The following EVC2 variants were observed in gnomAD, a reference collection of about 807,000 sequenced individuals.
The protein encoded by EVC2 is limbin.
EVC2 carries 148 observed loss-of-function variants against 149.3 expected under a neutral mutation model. The observed-to-expected ratio is 0.99, with a 90% CI of 0.87 to 1.14. EVC2 has a LOEUF of 1.14. EVC2 is among the 50% of genes most tolerant of loss of function. The pLI, the probability that EVC2 is intolerant of heterozygous loss-of-function variation, is 0.00. For missense variants in EVC2, 1,854 were observed against 1,627.3 expected (o/e 1.14, Z -2.40); for synonymous variants, 776 against 649.9 (o/e 1.19, Z -2.95).
intron 21 of EVC2, among the ~76,000 whole-genome samples, chr4:5,549,136 A>T (rs563495921): frequency 6.6e-6 from 1 of 152,326 alleles, no homozygotes; most frequent in East Asian, 1.9e-4. Flanking sequence ...ACTGAATAGC[A>T]ACAATAAAAC....
intron 11 of EVC2, among the ~76,000 whole-genome samples, chr4:5,630,748 A>T (rs1359609477): frequency 6.6e-6 from 1 of 152,256 alleles, no homozygotes; most frequent in Admixed American, 6.5e-5. Flanking sequence ...ATCCAAAGGT[A>T]CCCTTGCTGC....
intron 9 of EVC2, among the ~76,000 whole-genome samples, chr4:5,660,557 T>A (rs923171657): frequency 2.0e-5 from 3 of 152,150 alleles, no homozygotes; most frequent in African/African-American, 7.2e-5. Flanking sequence ...TTCCCAGATC[T>A]CCCATTTTCA....
chr4:5,706,347 T>TAGAC (rs1722145943), intron 1 of EVC2, among the ~76,000 whole-genome samples: 1 of 137,192 alleles, frequency 7.3e-6, no homozygotes, highest in Non-Finnish European at 1.6e-5. Flanking sequence ...GATACATAGA[T>TAGAC]AGATAGACAC....
chr4:5,564,560 G>A (rs1722146935), intron 21 of EVC2, among the ~76,000 whole-genome samples: 1 of 152,194 alleles, frequency 6.6e-6, no homozygotes, highest in Admixed American at 6.5e-5. Context: ...AGGTAGACAT[G>A]TCCGTTGAAC....
intron 7 of EVC2, among the ~76,000 whole-genome samples, chr4:5,678,931 T>A (rs1331518718): frequency 2.6e-5 from 4 of 151,946 alleles, no homozygotes; most frequent in African/African-American, 9.7e-5. Flanking sequence ...CTTGGGAGGC[T>A]GAGGCAGGAG....
chr4:5,535,597 TAGAA>T, the EVC2 span, among the ~76,000 whole-genome samples: 50 of 86,068 alleles, frequency 5.8e-4, no homozygotes, highest in Middle Eastern at 5.5e-3. The surrounding 1 kb of genome is among the most constrained non-coding windows in gnomAD (Gnocchi z 4.7). Context: ...TGTGCATGCT[TAGAA>T]AGAGAGAGAG....
intron 16 of EVC2, among the ~76,000 whole-genome samples, chr4:5,588,978 G>C (rs1246343582): frequency 6.6e-6 from 1 of 152,344 alleles, no homozygotes; most frequent in Admixed American, 6.5e-5. Context: ...TCTAACATCT[G>C]TGTCAGTTCT....
At chr4:5,650,896 C>T (rs1718091036) in intron 9 of EVC2, among the ~76,000 whole-genome samples, 1 of 152,164 alleles carries the variant, frequency 6.6e-6, no homozygotes, top group Admixed American at 6.5e-5. Context: ...AGCCCAGTCT[C>T]TGGCACAGAA....
chr4:5,562,730 G>T lies in EVC2; in HGVS notation c.*118C>A. Reference sequence around the variant, plus strand: ...AGTTGGCATGCGCTACGGGGTCTGTGCCTTCTGCATGTGCAATTTATATTT... The same window carrying T: ...AGTTGGCATGCGCTACGGGGTCTGTTCCTTCTGCATGTGCAATTTATATTT... On this transcript the variant is annotated 3_prime_UTR_variant, in exon 22 of 22. Transcript: ENST00000344408. This position sits in a 1 kb window ranked among gnomAD's most constrained non-coding sequence, Gnocchi z 4.3. 2 of 1,589,602 alleles carry T rather than the reference G, an allele frequency of 1.3e-6. No homozygotes were observed. Among genetic ancestry groups the T allele is most frequent in the Admixed American group, 1.7e-5 (1 of 58,882 alleles).
At chr4:5,566,053 C>T (rs1577096676) in intron 20 of EVC2, among the ~76,000 whole-genome samples, 1 of 152,248 alleles carries the variant, frequency 6.6e-6, no homozygotes, top group East Asian at 1.9e-4. Flanking sequence ...AGCCCTAGTA[C>T]CTAAGAGAGA....
At chr4:5,559,954 A>T (rs1721907839), downstream of EVC2, among the ~76,000 whole-genome samples, 1 of 151,794 alleles carries the variant, frequency 6.6e-6, no homozygotes, top group Non-Finnish European at 1.5e-5. This position sits in a 1 kb window ranked among gnomAD's most constrained non-coding sequence, Gnocchi z 5.0. Context: ...AATCTGGGGG[A>T]GTCGTAAGCA....
In EVC2 at chr4:5,618,422, C is replaced by G. The variant is rs1715429632; in HGVS notation, c.2706+56G>C. The G allele has an allele frequency of 6.2e-7, 1 of 1,604,942 alleles. No individual in the cohort carries two copies. Among genetic ancestry groups the G allele is most frequent in the Middle Eastern group, 2.3e-4 (1 of 4,430 alleles). On this transcript the variant is annotated intron_variant, in intron 15 of 21. Coordinates refer to ENST00000344408, the MANE Select transcript of EVC2 (RefSeq NM_147127.5). The surrounding 1 kb of genome is among the most constrained non-coding windows in gnomAD (Gnocchi z 4.4). ...GGGAAGAGGCCAGACCCTGTAGGGC[C>G]AGCAGCTGGGAGACGGCCCTGCTTC...
exon 22 of EVC2, chr4:5,543,087 C>T (rs1392442969): frequency 5.6e-6 from 7 of 1,248,564 alleles, no homozygotes; most frequent in South Asian, 2.5e-5. Context: ...CTGCTCAGTC[C>T]GAGGTAACTC....
At chr4:5,674,101 C>G (rs1719842117) in intron 7 of EVC2, among the ~76,000 whole-genome samples, 2 of 151,996 alleles carry the variant, frequency 1.3e-5, no homozygotes, top group South Asian at 4.1e-4. Flanking sequence ...GAGCTTGAGA[C>G]CCAAGAAACA....
chr4:5,674,117 G>T (rs886556960), intron 7 of EVC2, among the ~76,000 whole-genome samples: 4 of 152,192 alleles, frequency 2.6e-5, no homozygotes, highest in African/African-American at 9.7e-5. Context: ...AAACAGAGGG[G>T]TGAGTGGCTT....
In EVC2 at chr4:5,628,719, A is replaced by C. The variant is rs1354154955; in HGVS notation, c.1726T>G (p.Leu576Val). ...YSKIQENVEE[L>V]MDFFQASKRY... ...TTACTAGCCTGGAAAAAGTCCATTA[A>C]CTCTTCTACATTCTCCTGTCAATTA... The change falls in exon 12 of 22, where the codon TTA becomes GTA. Residue 576 changes from leucine to valine, a missense_variant. Physicochemically the swap from Leu to Val is conservative, Grantham distance 32. Coordinates refer to ENST00000344408, the MANE Select transcript of EVC2 (RefSeq NM_147127.5). 1.2e-6 allele frequency: 2 copies of C among 1,610,504 alleles called. No individual in the cohort carries two copies. Among genetic ancestry groups the C allele is most frequent in the East Asian group, 4.5e-5 (2 of 44,728 alleles).
chr4:5,618,335 G>A lies in EVC2; in HGVS notation c.2706+143C>T, dbSNP rs1269501387. 4 of 913,276 alleles carry A rather than the reference G, an allele frequency of 4.4e-6. No homozygotes were observed. Among genetic ancestry groups the A allele is most frequent in the Non-Finnish European group, 5.2e-6 (3 of 572,722 alleles). The allele number at this position is 913,276 out of a possible 1,614,324, so 56.6% of individuals were successfully genotyped here. A position where few individuals can be genotyped will look rare whatever the true frequency, so the allele number is the denominator to read the frequency against. On this transcript the variant is annotated intron_variant, in intron 15 of 21. Transcript: ENST00000344408. This position sits in a 1 kb window ranked among gnomAD's most constrained non-coding sequence, Gnocchi z 4.4. ...AGCCCTGGAGATTCCTGGAATAGCT[G>A]GACACCAATGCAGCCAGAGAGGAGA... is the stretch of plus-strand genomic sequence containing the variant.
intron 9 of EVC2, among the ~76,000 whole-genome samples, chr4:5,649,711 T>C (rs1577206307): frequency 6.6e-6 from 1 of 152,186 alleles, no homozygotes; most frequent in East Asian, 1.9e-4. Context: ...AAATCTGGCA[T>C]CTTCAAGGTA....
chr4:5,623,939 GC>G (rs1360682143), intron 13 of EVC2, among the ~76,000 whole-genome samples: 1 of 152,162 alleles, frequency 6.6e-6, no homozygotes, highest in Admixed American at 6.5e-5. Context: ...AGTAGTTTAC[GC>G]CAATGAACAT....
Sources: gnomAD v4.1 joint callset for allele counts (sites outside exome capture counted in the v4.1 genomes callset) on GRCh38, gnomAD v4.1.1 for gene constraint, Gnocchi (gnomAD v3.1) non-coding constraint, MANE v1.5 for transcripts, NCBI Gene and HGNC (gene_info 2026-07-23, HGNC 2026-07-21) for gene names.